The following ITSN2 variants were observed in gnomAD, a reference collection of about 807,000 sequenced individuals.
ITSN2 encodes the protein intersectin-2.
In ITSN2, 156 loss-of-function variants were observed where a neutral mutation model predicts 243.7. The ratio of observed to expected loss-of-function variants is 0.64; its 90% CI spans 0.56 to 0.73. The LOEUF is 0.73. Ranked by LOEUF, ITSN2 falls within the 30% of genes least tolerant of loss-of-function variation. ITSN2 has a pLI of 0.00. For synonymous variants in ITSN2, 703 were observed against 699.9 expected (o/e 1.00, Z -0.07); for missense variants, 1,801 against 1,996.1 (o/e 0.90, Z 1.86).
chr2:24,296,430 G>A (rs1289216800), intron 13 of ITSN2, among the ~76,000 whole-genome samples: 1 of 152,192 alleles, frequency 6.6e-6, no homozygotes, highest in Non-Finnish European at 1.5e-5. Flanking sequence ...CAGTACCTCA[G>A]AATGTGACAA....
Position 24,296,576 on chromosome 2 carries a change from C to A in ITSN2, c.1495-772G>T, listed in dbSNP as rs1574199665. Among the ~76,000 whole-genome samples, 3 of 152,274 alleles carry A rather than the reference C, an allele frequency of 2.0e-5. No individual in the cohort carries two copies. In the East Asian group the frequency reaches 5.8e-4, roughly 29 times the overall value. On this transcript the variant is annotated intron_variant, in intron 13 of 39. Transcript: ENST00000355123. ...AAAGGCACCAGAGATAAAATACACT[C>A]AGAGAAAACACCATATAAGGACACA...
intron 29 of ITSN2, chr2:24,240,871 G>A (rs1672649289): frequency 2.0e-5 from 3 of 151,986 alleles, no homozygotes; most frequent in African/African-American, 4.8e-5. Flanking sequence ...ACTCCTTTTT[G>A]TATCAACTAA....
At chr2:24,228,888 G>A (rs1296705962) in intron 29 of ITSN2, among the ~76,000 whole-genome samples, 1 of 152,188 alleles carries the variant, frequency 6.6e-6, no homozygotes, top group African/African-American at 2.4e-5. Context: ...TCAGGTCATA[G>A]AAGTGTTGGA....
chr2:24,342,933 T>TA (rs199907501), intron 1 of ITSN2, among the ~76,000 whole-genome samples: 211 of 150,772 alleles, frequency 1.4e-3, no homozygotes, highest in African/African-American at 5.0e-3. Flanking sequence ...CTACCAAAAA[T>TA]AAAAAAAATC....
At chr2:24,208,420 C>T in intron 36 of ITSN2, 101 bp from the exon 37 acceptor site, 3 of 842,308 alleles carry the variant, frequency 3.6e-6, no homozygotes, top group East Asian at 2.4e-5. Flanking sequence ...TTGCTAACCT[C>T]AACTTTCACA....
At chr2:24,215,809 C>G (rs751477279) in intron 32 of ITSN2, among the ~76,000 whole-genome samples, 3 of 151,686 alleles carry the variant, frequency 2.0e-5, no homozygotes, top group Non-Finnish European at 2.9e-5. Context: ...AGTAAGTATG[C>G]TTAAAAAAAA....
intron 31 of ITSN2, 38 bp downstream of exon 31, chr2:24,217,868 TG>T: frequency 7.0e-7 from 1 of 1,432,274 alleles, no homozygotes; most frequent in Admixed American, 1.7e-5. Context: ...CTGGGGGCTT[TG>T]GGGTCAGCGG....
intron 17 of ITSN2, among the ~76,000 whole-genome samples, chr2:24,281,374 A>G (rs532054989): frequency 2.1e-4 from 32 of 152,218 alleles, no homozygotes; most frequent in Non-Finnish European, 3.5e-4. Flanking sequence ...GTTGACTCCC[A>G]TCATTCTCTT....
At position 24,261,094 on chromosome 2, in the gene ITSN2, C is replaced by T; in HGVS notation, c.2682+12G>A. 6.3e-7 allele frequency: 1 copy of T among 1,599,860 alleles called. No homozygotes were observed. Among genetic ancestry groups the T allele is most frequent in the South Asian group, 1.1e-5 (1 of 87,656 alleles). On this transcript the variant is annotated intron_variant, in intron 22 of 39. Coordinates refer to ENST00000355123, the MANE Select transcript of ITSN2 (RefSeq NM_006277.3). ...CAAAGAATAAAGCCCACAAAAATAA[C>T]AGACAACATACCTGTCCATGAATAG...
chr2:24,208,187 A>G, intron 37 of ITSN2, 50 bp downstream of exon 37: 1 of 1,487,354 alleles, frequency 6.7e-7, no homozygotes, highest in Non-Finnish European at 9.3e-7. Context: ...AGTGGCCGGC[A>G]TTCCTAGGGC....
At chr2:24,337,550 C>A (rs1392097398) in intron 1 of ITSN2, among the ~76,000 whole-genome samples, 1 of 148,912 alleles carries the variant, frequency 6.7e-6, no homozygotes, top group East Asian at 2.0e-4. Context: ...CGGGGTTTCA[C>A]CATGTTGGCC....
chr2:24,236,861 A>ATTTTTTTTT (rs780168235), intron 29 of ITSN2, among the ~76,000 whole-genome samples: 1 of 134,066 alleles, frequency 7.5e-6, no homozygotes, highest in Non-Finnish European at 1.6e-5. Context: ...TCTATCTTTT[A>ATTTTTTTTT]TTTTTTATTT....
intron 1 of ITSN2, among the ~76,000 whole-genome samples, chr2:24,339,623 G>A (rs949593345): frequency 6.6e-6 from 1 of 152,132 alleles, no homozygotes; most frequent in African/African-American, 2.4e-5. Context: ...AGTGAGACTA[G>A]CTCTGTTTTT....
chr2:24,276,479 A>C (rs1294652534), intron 17 of ITSN2, among the ~76,000 whole-genome samples: 2 of 152,162 alleles, frequency 1.3e-5, no homozygotes, highest in Non-Finnish European at 2.9e-5. Context: ...ACGTCTACAG[A>C]CTTTGTCTTT....
intron 8 of ITSN2, among the ~76,000 whole-genome samples, 160 bp from the exon 9 acceptor site, chr2:24,304,022 G>A (rs201369522): frequency 6.6e-6 from 1 of 152,196 alleles, no homozygotes; most frequent in East Asian, 1.9e-4. Flanking sequence ...GCATTCAGTA[G>A]CAATTAAACC....
At chr2:24,282,299 C>T (rs1196646765) in intron 17 of ITSN2, among the ~76,000 whole-genome samples, 1 of 152,236 alleles carries the variant, frequency 6.6e-6, no homozygotes, top group Non-Finnish European at 1.5e-5. Flanking sequence ...CAGCAGGCCA[C>T]TGACCAGAGG....
chr2:24,236,197 A>G (rs1417223507), intron 29 of ITSN2, among the ~76,000 whole-genome samples: 1 of 152,250 alleles, frequency 6.6e-6, no homozygotes. Flanking sequence ...ACATGCTACT[A>G]CATGGATGAA....
At position 24,248,407 on chromosome 2, in the gene ITSN2, G is replaced by A. The variant is rs150317649; in HGVS notation, c.3288+222C>T. Among the ~76,000 whole-genome samples, 13 of 152,252 alleles carry A rather than the reference G, an allele frequency of 8.5e-5. No individual in the cohort carries two copies. In the East Asian group the frequency reaches 2.3e-3, roughly 27 times the overall value. ...ATTGGAAAACAATTATGTCTTTGGA[G>A]AAAATTATTCCTTAAATTGTTACTT... On this transcript the variant is annotated intron_variant, in intron 27 of 39. Coordinates refer to ENST00000355123, the MANE Select transcript of ITSN2 (RefSeq NM_006277.3).
chr2:24,235,997 A>G (rs1573955860), intron 29 of ITSN2, among the ~76,000 whole-genome samples: 1 of 152,352 alleles, frequency 6.6e-6, no homozygotes, highest in East Asian at 1.9e-4. Context: ...CTACTCCTAG[A>G]TATATATCCA....
Sources: allele counts gnomAD v4.1 joint callset (sites outside exome capture counted in the v4.1 genomes callset), GRCh38; gene constraint gnomAD v4.1.1; transcripts MANE v1.5; gene names NCBI Gene and HGNC (gene_info 2026-07-23, HGNC 2026-07-21).